SSBP2: variants seen among roughly 807,000 people sequenced by gnomAD.
SSBP2 encodes single-stranded DNA-binding protein 2.
SSBP2 carries 17 observed loss-of-function variants against 61.8 expected under a neutral mutation model. The observed-to-expected ratio is 0.28, with a 90% CI of 0.19 to 0.41. The LOEUF is 0.41. SSBP2 is among the 10% of genes least tolerant of loss of function. The pLI is 1.00. For missense variants in SSBP2, 310 were observed against 458.7 expected, an observed-to-expected ratio of 0.68 and a Z score of 2.96; for synonymous variants, 139 against 141.3, an observed-to-expected ratio of 0.98 and a Z score of 0.12.
intron 3 of SSBP2, among the ~76,000 whole-genome samples, chr5:81,635,522 TA>T: frequency 6.6e-6 from 1 of 152,050 alleles, no homozygotes; most frequent in South Asian, 2.1e-4. Context: ...CCAACGCTTA[TA>T]ATTACCTATA....
At chr5:81,441,618 C>T (rs2153958962) in intron 13 of SSBP2, among the ~76,000 whole-genome samples, 1 of 152,282 alleles carries the variant, frequency 6.6e-6, no homozygotes, top group African/African-American at 2.4e-5. Flanking sequence ...CTGCCTTTGG[C>T]AGGCAAACCT....
intron 12 of SSBP2, among the ~76,000 whole-genome samples, chr5:81,446,366 A>T (rs553280613): frequency 6.6e-6 from 1 of 152,280 alleles, no homozygotes; most frequent in East Asian, 1.9e-4. Flanking sequence ...AAGATAAAAA[A>T]CTTTTATTAT....
chr5:81,539,068 T>C (rs570648967), intron 4 of SSBP2, among the ~76,000 whole-genome samples: 52 of 152,312 alleles, frequency 3.4e-4, no homozygotes, highest in African/African-American at 1.2e-3. Flanking sequence ...AAAAAGTAAA[T>C]AGAAAACCTT....
intron 5 of SSBP2, among the ~76,000 whole-genome samples, chr5:81,505,437 T>G (rs1258885428): frequency 1.3e-5 from 2 of 152,220 alleles, no homozygotes; most frequent in Non-Finnish European, 2.9e-5. Context: ...CCCCTAAATA[T>G]GTAATTAATA....
intron 5 of SSBP2, among the ~76,000 whole-genome samples, chr5:81,497,570 T>G (rs115304985): frequency 0.012 from 1,842 of 152,254 alleles, 39 homozygotes; most frequent in African/African-American, 0.042. Flanking sequence ...ACATATCTGG[T>G]TGTCTAATGA....
intron 1 of SSBP2, among the ~76,000 whole-genome samples, chr5:81,714,808 G>A (rs137858778): frequency 0.025 from 3,791 of 152,214 alleles, 171 homozygotes; most frequent in African/African-American, 0.087. Flanking sequence ...TTTGTCAGAT[G>A]GATAGATTGC....
intron 1 of SSBP2, among the ~76,000 whole-genome samples, chr5:81,652,515 G>C (rs942083590): frequency 1.3e-5 from 2 of 152,102 alleles, no homozygotes; most frequent in Non-Finnish European, 2.9e-5. Context: ...CCTACCATTA[G>C]AATCTGCTGT....
chr5:81,617,092 G>C (rs1347971531), intron 3 of SSBP2, among the ~76,000 whole-genome samples: 3 of 82,798 alleles, frequency 3.6e-5, no homozygotes, highest in Non-Finnish European at 7.2e-5. Context: ...ACAGAACAAA[G>C]CTGGATGGAG....
intron 3 of SSBP2, among the ~76,000 whole-genome samples, chr5:81,615,825 T>C (rs1292192211): frequency 6.6e-6 from 1 of 152,222 alleles, no homozygotes; most frequent in Admixed American, 6.5e-5. Flanking sequence ...AACTGGCTGT[T>C]TACATGATAT....
intron 1 of SSBP2, among the ~76,000 whole-genome samples, chr5:81,665,368 A>T (rs1274338737): frequency 6.6e-6 from 1 of 152,228 alleles, no homozygotes; most frequent in East Asian, 1.9e-4. Flanking sequence ...ATGGATGGAT[A>T]TATCTAAAAT....
At chr5:81,427,759 T>C (rs755985065) in intron 16 of SSBP2, among the ~76,000 whole-genome samples, 18 of 152,180 alleles carry the variant, frequency 1.2e-4, no homozygotes, top group Admixed American at 6.5e-4. Context: ...AGTTCAGTGG[T>C]TCTTAGCAGA....
intron 6 of SSBP2, among the ~76,000 whole-genome samples, chr5:81,486,058 C>T (rs1390487707): frequency 6.6e-6 from 1 of 152,008 alleles, no homozygotes; most frequent in African/African-American, 2.4e-5. Context: ...TGAAGCTTAA[C>T]TAAATGTGTA....
chr5:81,734,340 CA>C (rs1756457006), intron 1 of SSBP2, among the ~76,000 whole-genome samples: 1 of 152,126 alleles, frequency 6.6e-6, no homozygotes, highest in African/African-American at 2.4e-5. Context: ...AAAGGGCTGG[CA>C]AAACTATTTT....
At chr5:81,717,065 T>G (rs983251970) in intron 1 of SSBP2, among the ~76,000 whole-genome samples, 2 of 152,202 alleles carry the variant, frequency 1.3e-5, no homozygotes, top group South Asian at 4.1e-4. Context: ...TATTGATTCT[T>G]AATATTAATA....
At chr5:81,632,475 T>C (rs1747817396) in intron 3 of SSBP2, among the ~76,000 whole-genome samples, 6 of 152,186 alleles carry the variant, frequency 3.9e-5, no homozygotes, top group Admixed American at 3.9e-4. Context: ...TATTCCAGAT[T>C]GGCAGGAGGC....
chr5:81,731,710 A>G (rs1756277003), intron 1 of SSBP2, among the ~76,000 whole-genome samples: 1 of 152,110 alleles, frequency 6.6e-6, no homozygotes, highest in South Asian at 2.1e-4. Flanking sequence ...TAACTTGTAG[A>G]TAACTTGGGA....
At chr5:81,697,929 T>C (rs1353661099) in intron 1 of SSBP2, among the ~76,000 whole-genome samples, 1 of 152,164 alleles carries the variant, frequency 6.6e-6, no homozygotes. Context: ...GCCTCTATGG[T>C]AAAATAATCT....
chr5:81,747,108 C>T (rs1349306743), intron 1 of SSBP2, among the ~76,000 whole-genome samples: 4 of 151,940 alleles, frequency 2.6e-5, no homozygotes, highest in Non-Finnish European at 2.9e-5. Flanking sequence ...TTCTCCCACA[C>T]CATACACAGA....
intron 6 of SSBP2, among the ~76,000 whole-genome samples, chr5:81,478,221 G>T (rs1008167026): frequency 1.3e-5 from 2 of 152,144 alleles, no homozygotes; most frequent in East Asian, 3.9e-4. Flanking sequence ...CAGTGCAGTG[G>T]TGTGATCATA....
Sources: allele counts gnomAD v4.1 joint callset (sites outside exome capture counted in the v4.1 genomes callset), GRCh38; gene constraint gnomAD v4.1.1; transcripts MANE v1.5; gene names NCBI Gene and HGNC (gene_info 2026-07-23, HGNC 2026-07-21).